The following DBN1 variants were observed in gnomAD, a reference collection of about 807,000 sequenced individuals.
DBN1 encodes the protein drebrin 1.
In DBN1, 21 loss-of-function variants were observed where a neutral mutation model predicts 83.5. The observed-to-expected ratio is 0.25, with a 90% CI of 0.18 to 0.36. The LOEUF is 0.36. DBN1 is among the 10% of genes least tolerant of loss of function. The probability of loss-of-function intolerance (pLI) is 1.00; values close to 1 mark genes in which losing one functional copy is unlikely to be tolerated. For missense variants in DBN1, 874 were observed against 935.7 expected, an observed-to-expected ratio of 0.93 and a Z score of 0.86; for synonymous variants, 381 against 384.9, an observed-to-expected ratio of 0.99 and a Z score of 0.12.
At position 177,466,631 on chromosome 5, in the gene DBN1, C is replaced by T; in HGVS notation, c.771+141G>A. On this transcript the variant is annotated intron_variant, in intron 8 of 14. Coordinates refer to ENST00000393565, the MANE Select transcript of DBN1 (RefSeq NM_001363541.2). The surrounding 1 kb of genome is among the most constrained non-coding windows in gnomAD (Gnocchi z 4.8). ...GTGATGAGGTGCCAGGCCTCATGCT[C>T]CATGGCACCCTGTGCCCATGCAGCT... 1 of 944,016 alleles carries T rather than the reference C, an allele frequency of 1.1e-6. No individual in the cohort carries two copies. The highest frequency in any genetic ancestry group is 1.7e-6 in the Non-Finnish European group (1 of 583,400). The allele number at this position is 944,016 out of a possible 1,614,324, so 58.5% of individuals were successfully genotyped here.
rs2127390892 is a variant in DBN1 at position 177,456,809 on chromosome 5, G to C, written c.*624C>G. On this transcript the variant is annotated 3_prime_UTR_variant, in exon 15 of 15. Transcript: ENST00000393565. ...AGCCCTGACCTGAACCGCGCCTAGG[G>C]CCTCCAACCTGGGACCTGCCCGGCA... The C allele has an allele frequency of 6.5e-6, 1 of 153,244 alleles. No homozygotes were observed. Among genetic ancestry groups the C allele is most frequent in the East Asian group, 1.9e-4 (1 of 5,166 alleles). 9.5% of individuals were successfully genotyped at this position (153,244 alleles called of 1,614,324 possible). A position where few individuals can be genotyped will look rare whatever the true frequency, so the allele number is the denominator to read the frequency against.
rs1413069956 is a variant in DBN1, at chr5:177,460,469, G to A, written c.918C>T (p.Gly306=). 1.2e-5 allele frequency: 20 copies of A among 1,614,124 alleles called. No homozygotes were observed. In the South Asian group the frequency reaches 2.0e-4, roughly 16 times the overall value. ...QQERVASASA[G]SCDVPSPFNH... The stretch of plus-strand genomic sequence containing the variant: ...TGAAGGGCGAGGGTACATCACAGCT[G>A]CCCGCAGAGGCCGATGCGACTCTTT... Residue 306 remains glycine (G), a synonymous_variant, in exon 10 of 15, where the codon GGC becomes GGT. Transcript: ENST00000393565.
chr5:177,465,044 C>T (rs1298205032), intron 8 of DBN1, among the ~76,000 whole-genome samples: 1 of 152,148 alleles, frequency 6.6e-6, no homozygotes, highest in East Asian at 1.9e-4. Flanking sequence ...GTCCCAGCTA[C>T]TTGGAGGCTG....
chr5:177,468,801 G>A (rs1757645615), intron 2 of DBN1, 43 bp downstream of exon 2: 5 of 1,286,428 alleles, frequency 3.9e-6, no homozygotes, highest in South Asian at 3.1e-5. Flanking sequence ...CAACCAGGAG[G>A]AGGGGGTGGA....
At chr5:177,461,278 T>G (rs1757022998) in intron 8 of DBN1, among the ~76,000 whole-genome samples, 1 of 151,162 alleles carries the variant, frequency 6.6e-6, no homozygotes, top group African/African-American at 2.4e-5. Flanking sequence ...TTTTGTATTT[T>G]TAGTAGAGAC....
chr5:177,470,513 G>A (rs1757766402), intron 1 of DBN1, among the ~76,000 whole-genome samples: 1 of 152,074 alleles, frequency 6.6e-6, no homozygotes, highest in Non-Finnish European at 1.5e-5. Context: ...CCATACCCCA[G>A]TTCAAACCCT....
intron 13 of DBN1, 112 bp downstream of exon 13, chr5:177,457,946 A>C (rs1448378044): frequency 1.3e-6 from 2 of 1,486,546 alleles, no homozygotes; most frequent in Non-Finnish European, 1.9e-6. Context: ...CCCCTCAAAT[A>C]ATGTGGGTCA....
At position 177,467,624 on chromosome 5, in the gene DBN1, C is replaced by T. The variant is rs2127401281; in HGVS notation, c.334G>A (p.Val112Ile). The T allele has an allele frequency of 6.4e-7, 1 of 1,571,994 alleles. No individual in the cohort carries two copies. The highest frequency in any genetic ancestry group is 8.6e-7 in the Non-Finnish European group (1 of 1,158,492). The change falls in exon 5 of 15, where the codon GTC becomes ATC. Residue 112 changes from valine to isoleucine, a missense_variant. Physicochemically the swap from Val to Ile is conservative, Grantham distance 29. Around this residue, in one of 4 missense-constraint regions of DBN1, gnomAD observed 65 missense variants for 97.3 expected, o/e 0.67. Transcript: ENST00000393565. The surrounding 1 kb of genome is among the most constrained non-coding windows in gnomAD (Gnocchi z 9.1). ...CTGCTGGCGTTCACGATCACGTCGA[C>T]ACCCTTCCGCAAGAAGACGGCAGTG... ...VAKVAEFFQGVDVIVNASSVE... is the reference protein window; with the variant it reads ...VAKVAEFFQGIDVIVNASSVE...
rs148087477 is a variant in DBN1 at position 177,458,508 on chromosome 5, G to A, written c.1464C>T (p.Asp488=). 1.3e-3 allele frequency: 2,035 copies of A among 1,613,792 alleles called. 4 individuals carry two copies. Among genetic ancestry groups the A allele is most frequent in the Non-Finnish European group, 1.6e-3 (1,910 of 1,179,648 alleles). The change falls in exon 13 of 15, where the codon GAC becomes GAT. Residue 488 remains aspartate, a synonymous_variant. Transcript: ENST00000393565. The stretch of plus-strand genomic sequence containing the variant: ...CAGCTGCATCGTGGATCTCCGTGGC[G>A]TCAGCTGTGGCAGGCTCCACGGGAG... ...LAAPVEPATA[D]ATEIHDAADT... is the part of the protein sequence containing the mutation.
At chr5:177,458,741 G>A (rs771745587) in intron 12 of DBN1, 34 bp from the exon 13 acceptor site, 6 of 1,463,526 alleles carry the variant, frequency 4.1e-6, no homozygotes, top group African/African-American at 1.4e-5. Flanking sequence ...ATATGTAACC[G>A]GCTCCCCTCG....
At chr5:177,472,071 G>C in intron 1 of DBN1, 1 of 1,583,398 alleles carries the variant, frequency 6.3e-7, no homozygotes, top group Non-Finnish European at 8.6e-7. Flanking sequence ...GGGACAATGG[G>C]TGGGCCGCCT....
intron 2 of DBN1, chr5:177,468,529 C>A (rs1757627933): frequency 2.1e-6 from 1 of 468,486 alleles, no homozygotes; most frequent in Non-Finnish European, 3.8e-6. Context: ...CCCAGAGGCA[C>A]AATCAAGCCT....
At chr5:177,461,094 C>CTTTTTTT (rs1212164434) in intron 8 of DBN1, among the ~76,000 whole-genome samples, 129 of 90,670 alleles carry the variant, frequency 1.4e-3, no homozygotes, top group Non-Finnish European at 2.0e-3. Context: ...TTCTGGCCTT[C>CTTTTTTT]TTTTTTTTTT....
chr5:177,471,051 T>C (rs767089543), intron 1 of DBN1, among the ~76,000 whole-genome samples: 69 of 152,084 alleles, frequency 4.5e-4, no homozygotes, highest in Non-Finnish European at 8.1e-4. Flanking sequence ...ATGTGTGATA[T>C]TGACACCAAC....
chr5:177,463,838 A>G (rs1757216325), intron 8 of DBN1, among the ~76,000 whole-genome samples: 1 of 152,226 alleles, frequency 6.6e-6, no homozygotes, highest in Non-Finnish European at 1.5e-5. Context: ...TTAGCAAAAA[A>G]ATAAACTTTA....
At chr5:177,460,620 C>A in intron 9 of DBN1, 24 bp downstream of exon 9, 1 of 1,614,192 alleles carries the variant, frequency 6.2e-7, no homozygotes, top group Non-Finnish European at 8.5e-7. Context: ...TCTGCCTCAC[C>A]TGGCTGGTGC....
chr5:177,457,400 C>T lies in DBN1; in HGVS notation c.*33G>A. The T allele has an allele frequency of 6.2e-7, 1 of 1,604,544 alleles. No homozygotes were observed. Among genetic ancestry groups the T allele is most frequent in the Non-Finnish European group, 8.5e-7 (1 of 1,171,578 alleles). On this transcript the variant is annotated 3_prime_UTR_variant, in exon 15 of 15. Coordinates refer to ENST00000393565, the MANE Select transcript of DBN1 (RefSeq NM_001363541.2). ...CCAGAGGCTGATGCAGGTGGGCGGC[C>T]TTGGCAAGGGTAGCCTAGGGCTGGC...
intron 8 of DBN1, among the ~76,000 whole-genome samples, chr5:177,464,040 A>G (rs1276364310): frequency 6.6e-6 from 1 of 151,890 alleles, no homozygotes; most frequent in Non-Finnish European, 1.5e-5. Context: ...GCTTGAACCC[A>G]GGAGGCAGAG....
chr5:177,472,417 G>T lies in DBN1; in HGVS notation c.86+1019C>A, dbSNP rs185987520. ...CCTTCCCTAGAAGAAGAGTATTACG[G>T]GGGGGTTAAAGGATTCCAGGATGGG... On this transcript the variant is annotated intron_variant, in intron 1 of 14. Transcript: ENST00000393565. 9.4e-3 allele frequency: 13,320 copies of T among 1,417,482 alleles called. 91 individuals carry two copies. The highest frequency in any genetic ancestry group is 1.0e-2 in the Non-Finnish European group (10,930 of 1,096,840). 87.8% of individuals were successfully genotyped at this position (1,417,482 alleles called of 1,614,324 possible). A position where few individuals can be genotyped will look rare whatever the true frequency, so the allele number is the denominator to read the frequency against.
Sources: gnomAD v4.1 joint callset for allele counts (sites outside exome capture counted in the v4.1 genomes callset) on GRCh38, gnomAD v4.1.1 for gene constraint, gnomAD v4.1.1 regional missense constraint, Gnocchi (gnomAD v3.1) non-coding constraint, MANE v1.5 for transcripts, NCBI Gene and HGNC (gene_info 2026-07-23, HGNC 2026-07-21) for gene names.